DLG2: variants seen among roughly 807,000 people sequenced by gnomAD.
DLG2 encodes the protein discs large MAGUK scaffold protein 2.
In DLG2, 45 loss-of-function variants were observed where a neutral mutation model predicts 132.5. The observed-to-expected ratio is 0.34, with a 90% confidence interval of 0.27 to 0.44. The LOEUF is 0.44. Among genes scored for constraint, DLG2 ranks in the 20% least tolerant of loss-of-function variants. DLG2 has a pLI of 1.00. For synonymous variants in DLG2, 424 were observed against 419.6 expected, an observed-to-expected ratio of 1.01 and a Z score of -0.13; for missense variants, 1,045 against 1,196.9, an observed-to-expected ratio of 0.87 and a Z score of 1.87.
intron 7 of DLG2, among the ~76,000 whole-genome samples, chr11:84,264,786 G>A (rs948026016): frequency 3.3e-5 from 5 of 152,118 alleles, no homozygotes; most frequent in East Asian, 1.9e-4. Flanking sequence ...CTCACCCACC[G>A]TTACTGGATA....
chr11:84,410,066 C>T (rs545883668), intron 7 of DLG2, among the ~76,000 whole-genome samples: 4 of 152,276 alleles, frequency 2.6e-5, no homozygotes, highest in East Asian at 1.9e-4. Flanking sequence ...AAGGTAACTC[C>T]TAGGCAAGAA....
At chr11:83,914,347 T>C (rs920815678) in intron 15 of DLG2, among the ~76,000 whole-genome samples, 3 of 152,172 alleles carry the variant, frequency 2.0e-5, no homozygotes, top group African/African-American at 7.2e-5. Flanking sequence ...ATGATTCTCA[T>C]ACAGCCTGCA....
chr11:85,420,310 C>T (rs187541464), intron 3 of DLG2, among the ~76,000 whole-genome samples: 71 of 152,210 alleles, frequency 4.7e-4, no homozygotes, highest in African/African-American at 6.0e-4. Context: ...CTGGAAGCTT[C>T]GTCCCAGAGG....
chr11:84,636,341 T>C (rs909107722), intron 6 of DLG2, among the ~76,000 whole-genome samples: 8 of 152,226 alleles, frequency 5.3e-5, no homozygotes, highest in Non-Finnish European at 1.0e-4. Flanking sequence ...TATTGAAAAG[T>C]AGTATAACTG....
At chr11:85,115,396 TA>T (rs1377465881) in intron 5 of DLG2, among the ~76,000 whole-genome samples, 2 of 151,978 alleles carry the variant, frequency 1.3e-5, no homozygotes, top group Admixed American at 6.6e-5. Flanking sequence ...GCTATTGCAT[TA>T]GGAATAAGGA....
At chr11:85,561,070 G>A (rs527832099) in intron 3 of DLG2, among the ~76,000 whole-genome samples, 3 of 149,844 alleles carry the variant, frequency 2.0e-5, no homozygotes, top group Non-Finnish European at 4.5e-5. Context: ...TGTGAGCTGT[G>A]TAAGGCCAGG....
At chr11:85,122,873 T>C (rs536979014) in intron 5 of DLG2, among the ~76,000 whole-genome samples, 1 of 145,892 alleles carries the variant, frequency 6.9e-6, no homozygotes, top group Non-Finnish European at 1.5e-5. Context: ...TATACACACA[T>C]ATATATGTAT....
chr11:84,529,915 A>C (rs1399467731), intron 7 of DLG2, among the ~76,000 whole-genome samples: 2 of 152,204 alleles, frequency 1.3e-5, no homozygotes, highest in African/African-American at 2.4e-5. Context: ...ATAGTAACCA[A>C]AACAGCCTAA....
At chr11:85,569,210 T>G (rs1289367166) in intron 3 of DLG2, among the ~76,000 whole-genome samples, 5 of 152,200 alleles carry the variant, frequency 3.3e-5, no homozygotes, top group Admixed American at 3.3e-4. Context: ...TTTTGTATTT[T>G]TAGTAGAGAC....
At chr11:83,885,060 G>A (rs555237483) in intron 15 of DLG2, among the ~76,000 whole-genome samples, 90 of 152,332 alleles carry the variant, frequency 5.9e-4, no homozygotes, top group African/African-American at 1.8e-3. Context: ...CCAAAGGAAC[G>A]CAGTTTCTCA....
At chr11:83,888,433 G>T (rs1265441912) in intron 15 of DLG2, among the ~76,000 whole-genome samples, 2 of 151,918 alleles carry the variant, frequency 1.3e-5, no homozygotes, top group East Asian at 1.9e-4. Context: ...ACAAACCACT[G>T]CTCAATGAAA....
rs1442896797 is a variant in DLG2 at position 83,595,891 on chromosome 11, T to A, written c.1940+37320A>T. ...TGCCCTTGATTAGGTAGAGATGATG[T>A]CGTAATAGGTGCATTATAAGACAAT... is the stretch of plus-strand genomic sequence containing the variant. On this transcript the variant is annotated intron_variant, in intron 19 of 27. Transcript: ENST00000376104. Among the ~76,000 whole-genome samples, 4 of 152,206 alleles carry A rather than the reference T, an allele frequency of 2.6e-5. No individual in the cohort carries two copies. The East Asian group carries it at 5.8e-4, about 22-fold the overall frequency.
chr11:83,796,940 G>A (rs1255706432), intron 17 of DLG2, among the ~76,000 whole-genome samples: 1 of 152,148 alleles, frequency 6.6e-6, no homozygotes, highest in Non-Finnish European at 1.5e-5. Context: ...GGCGTACAGA[G>A]GAGGCATTCC....
At chr11:85,495,082 A>T (rs982736621) in intron 3 of DLG2, among the ~76,000 whole-genome samples, 3 of 152,168 alleles carry the variant, frequency 2.0e-5, no homozygotes, top group Admixed American at 1.3e-4. Flanking sequence ...GCCAATGAAC[A>T]TATAAAGAGA....
At chr11:85,137,100 A>T (rs1217026861) in intron 5 of DLG2, among the ~76,000 whole-genome samples, 1 of 152,080 alleles carries the variant, frequency 6.6e-6, no homozygotes, top group Non-Finnish European at 1.5e-5. Context: ...ATCCAGTCTG[A>T]TGTAAGAAGG....
chr11:84,135,563 G>A (rs1020618952), intron 9 of DLG2, among the ~76,000 whole-genome samples: 40 of 152,086 alleles, frequency 2.6e-4, no homozygotes, highest in South Asian at 6.2e-4. Context: ...TGAAGTTTGA[G>A]CAGGCAGTAG....
intron 7 of DLG2, among the ~76,000 whole-genome samples, chr11:84,384,399 G>A (rs956532708): frequency 2.0e-5 from 3 of 152,078 alleles, no homozygotes; most frequent in Non-Finnish European, 4.4e-5. Flanking sequence ...AGCAACATTA[G>A]TTAAATGTAT....
At chr11:85,567,602 T>G (rs2077598871) in intron 3 of DLG2, among the ~76,000 whole-genome samples, 1 of 152,142 alleles carries the variant, frequency 6.6e-6, no homozygotes, top group Non-Finnish European at 1.5e-5. Flanking sequence ...ACTCCTTCCT[T>G]TCCAATTTTT....
intron 19 of DLG2, among the ~76,000 whole-genome samples, chr11:83,622,017 C>G (rs992992773): frequency 1.3e-5 from 2 of 152,138 alleles, no homozygotes; most frequent in African/African-American, 4.8e-5. Flanking sequence ...ATGGCTCAAG[C>G]GATTCTCCTG....
Sources: allele counts gnomAD v4.1 joint callset (sites outside exome capture counted in the v4.1 genomes callset), GRCh38; gene constraint gnomAD v4.1.1; transcripts MANE v1.5; gene names NCBI Gene and HGNC (gene_info 2026-07-23, HGNC 2026-07-21).